The following IGFL2 variants were observed in gnomAD, a reference collection of about 807,000 sequenced individuals.
IGFL2 encodes IGF like family member 2, also known as insulin growth factor-like family member 2.
IGFL2 carries 7 observed loss-of-function variants against 13.9 expected under a neutral mutation model. That is an observed-to-expected ratio of 0.51 (90% CI 0.29 to 0.95). The LOEUF is 0.95. IGFL2 is among the 40% of genes least tolerant of loss of function. The probability of loss-of-function intolerance (pLI) is 0.08; values close to 1 mark genes in which losing one functional copy is unlikely to be tolerated. For synonymous variants in IGFL2, 55 were observed against 55.8 expected, an observed-to-expected ratio of 0.99 and a Z score of 0.07; for missense variants, 138 against 147.8, an observed-to-expected ratio of 0.93 and a Z score of 0.34.
At chr19:46,123,434 A>C in the IGFL2 span, among the ~76,000 whole-genome samples, 1 of 151,184 alleles carries the variant, frequency 6.6e-6, no homozygotes, top group Non-Finnish European at 1.5e-5. Flanking sequence ...TAAAGTAAGG[A>C]AAAAATTATA....
At chr19:46,150,857 A>G (rs899973190) in intron 1 of IGFL2, among the ~76,000 whole-genome samples, 7 of 152,084 alleles carry the variant, frequency 4.6e-5, no homozygotes, top group Non-Finnish European at 7.4e-5. Context: ...CATAGAGACG[A>G]TGTCTCACTG....
the IGFL2 span, among the ~76,000 whole-genome samples, chr19:46,171,672 G>C: frequency 6.6e-6 from 1 of 152,178 alleles, no homozygotes; most frequent in African/African-American, 2.4e-5. Context: ...CATAGGTCTA[G>C]TCTATTGTTG....
the IGFL2 span, among the ~76,000 whole-genome samples, chr19:46,171,378 T>C: frequency 6.6e-6 from 1 of 152,104 alleles, no homozygotes; most frequent in Admixed American, 6.5e-5. Flanking sequence ...GGGGTTCAGA[T>C]TGACAGAGAG....
At chr19:46,166,560 C>T in the IGFL2 span, among the ~76,000 whole-genome samples, 38 of 152,234 alleles carry the variant, frequency 2.5e-4, 1 homozygote, top group African/African-American at 7.5e-4. Flanking sequence ...TGAGATCAAC[C>T]GGTCTGACCA....
the IGFL2 span, among the ~76,000 whole-genome samples, chr19:46,131,610 G>A: frequency 2.6e-5 from 4 of 152,144 alleles, no homozygotes; most frequent in South Asian, 6.2e-4. Flanking sequence ...CATGCTCTTC[G>A]AGGCTGAAGC....
chr19:46,143,567 G>T (rs1370828826), upstream of IGFL2, among the ~76,000 whole-genome samples: 4 of 151,866 alleles, frequency 2.6e-5, no homozygotes, highest in East Asian at 7.7e-4. Context: ...GGCCCAGCCA[G>T]TAGTTACATT....
At chr19:46,181,020 C>T in the IGFL2 span, among the ~76,000 whole-genome samples, 8 of 152,184 alleles carry the variant, frequency 5.3e-5, no homozygotes, top group African/African-American at 1.7e-4. Flanking sequence ...CTCTCAGACA[C>T]ACCTAGCAAC....
chr19:46,130,059 A>G, the IGFL2 span, among the ~76,000 whole-genome samples: 1 of 145,604 alleles, frequency 6.9e-6, no homozygotes, highest in South Asian at 2.2e-4. Flanking sequence ...TTGGGTGCAT[A>G]TGTATTTAGG....
At chr19:46,186,860 G>T in the IGFL2 span, among the ~76,000 whole-genome samples, 2 of 152,342 alleles carry the variant, frequency 1.3e-5, no homozygotes, top group Middle Eastern at 3.4e-3. Flanking sequence ...TAACAGGAAA[G>T]ACAAGATGCC....
the IGFL2 span, among the ~76,000 whole-genome samples, chr19:46,176,781 A>AC: frequency 6.6e-6 from 1 of 151,402 alleles, no homozygotes; most frequent in Non-Finnish European, 1.5e-5. Flanking sequence ...ACCGGACCAC[A>AC]CTCCCCCCAG....
chr19:46,089,107 A>G, the IGFL2 span, among the ~76,000 whole-genome samples: 1 of 152,126 alleles, frequency 6.6e-6, no homozygotes, highest in Non-Finnish European at 1.5e-5. Context: ...CTAGCAGTAT[A>G]TTTTGATTCC....
At chr19:46,191,241 G>T in the IGFL2 span, among the ~76,000 whole-genome samples, 1 of 152,136 alleles carries the variant, frequency 6.6e-6, no homozygotes, top group African/African-American at 2.4e-5. Context: ...AGCCCAGAAA[G>T]GGAAGACGCA....
the IGFL2 span, among the ~76,000 whole-genome samples, chr19:46,108,278 G>C: frequency 2.0e-5 from 3 of 152,070 alleles, no homozygotes; most frequent in Non-Finnish European, 2.9e-5. Flanking sequence ...GCAGAGACTA[G>C]GGAGGAACCG....
the IGFL2 span, among the ~76,000 whole-genome samples, chr19:46,197,841 G>A: frequency 6.6e-6 from 1 of 151,956 alleles, no homozygotes; most frequent in Non-Finnish European, 1.5e-5. Flanking sequence ...CAGGACAGGA[G>A]CCCTGGACTG....
At chr19:46,084,821 A>G in the IGFL2 span, among the ~76,000 whole-genome samples, 1 of 152,302 alleles carries the variant, frequency 6.6e-6, no homozygotes. Flanking sequence ...TCAACATGAG[A>G]TTTGGTGGGA....
chr19:46,189,416 G>A, the IGFL2 span, among the ~76,000 whole-genome samples: 2 of 152,162 alleles, frequency 1.3e-5, no homozygotes, highest in African/African-American at 4.8e-5. Context: ...CTGGATAACT[G>A]CGGGCAGGCC....
chr19:46,123,855 C>T, the IGFL2 span: 3 of 1,578,422 alleles, frequency 1.9e-6, no homozygotes, highest in Non-Finnish European at 2.6e-6. Context: ...TCCCTCATTC[C>T]TTTAGTTAAG....
chr19:46,183,231 G>A, the IGFL2 span, among the ~76,000 whole-genome samples: 3 of 152,120 alleles, frequency 2.0e-5, no homozygotes, highest in Non-Finnish European at 4.4e-5. Flanking sequence ...TCACTATCAT[G>A]AGAACAGCAT....
rs774791651 is a variant in IGFL2, at chr19:46,160,751, A to G, written c.211A>G (p.Thr71Ala). The stretch of plus-strand genomic sequence containing the variant: ...GACCCGCCAATGTGGTCCCCCCTGC[A>G]CCTTCTGGCCCTGCTTTGAGCTCTG... ...SETRQCGPPC[T>A]FWPCFELCCL... Residue 71 changes from threonine to alanine, a missense_variant, in exon 3 of 4, where the codon ACC becomes GCC. Transcript: ENST00000377693. 10 of 1,613,772 alleles carry G rather than the reference A, an allele frequency of 6.2e-6. No homozygotes were observed. The South Asian group carries it at 7.7e-5, about 12-fold the overall frequency.
Sources: allele counts gnomAD v4.1 joint callset (sites outside exome capture counted in the v4.1 genomes callset), GRCh38; gene constraint gnomAD v4.1.1; transcripts MANE v1.5; gene names NCBI Gene and HGNC (gene_info 2026-07-23, HGNC 2026-07-21).